The following LDHB variants were observed in gnomAD, a reference collection of about 807,000 sequenced individuals.
The protein encoded by LDHB is L-lactate dehydrogenase B chain.
LDHB carries 18 observed loss-of-function variants against 33.4 expected under a neutral mutation model. The observed-to-expected ratio is 0.54, with a 90% CI of 0.37 to 0.80. The LOEUF is 0.80. LDHB is among the 30% of genes least tolerant of loss of function. The pLI, the probability that LDHB is intolerant of heterozygous loss-of-function variation, is 0.00. For missense variants in LDHB, 345 were observed against 407.9 expected (o/e 0.85, Z 1.33); for synonymous variants, 121 against 140.6 (o/e 0.86, Z 0.98).
intron 2 of LDHB, among the ~76,000 whole-genome samples, chr12:21,651,834 A>C (rs1938698811): frequency 6.6e-6 from 1 of 152,238 alleles, no homozygotes; most frequent in Non-Finnish European, 1.5e-5. Flanking sequence ...ATCTTTCAAC[A>C]AGTCAGTCAT....
Position 21,635,488 on chromosome 12 carries a change from G to A in LDHB, c.*54C>T, listed in dbSNP as rs765895457. The stretch of plus-strand genomic sequence containing the variant: ...CCATGTACATGGATGAAAACTAAAG[G>A]CTCGAGTTAATCACATTGTAGTTTT... On this transcript the variant is annotated 3_prime_UTR_variant, in exon 8 of 8. Coordinates refer to ENST00000350669, the MANE Select transcript of LDHB (RefSeq NM_002300.8). 72 of 1,408,828 alleles carry A rather than the reference G, an allele frequency of 5.1e-5. No individual in the cohort carries two copies. The highest frequency in any genetic ancestry group is 6.2e-5 in the Non-Finnish European group (62 of 994,894). The allele number at this position is 1,408,828 out of a possible 1,614,324, so 87.3% of individuals were successfully genotyped here. A position where few individuals can be genotyped will look rare whatever the true frequency, so the allele number is the denominator to read the frequency against.
At chr12:21,648,931 C>T (rs1938603477) in intron 2 of LDHB, among the ~76,000 whole-genome samples, 1 of 152,172 alleles carries the variant, frequency 6.6e-6, no homozygotes, top group Non-Finnish European at 1.5e-5. Flanking sequence ...CAAAACATTT[C>T]CTCATTTCCA....
Position 21,646,951 on chromosome 12 carries a change from A to T in LDHB, c.195T>A (p.Asp65Glu). The change falls in exon 3 of 8, where the codon GAT (aspartate) becomes GAA (glutamate). Residue 65 changes from aspartate to glutamate, a missense_variant. Coordinates refer to ENST00000350669, the MANE Select transcript of LDHB (RefSeq NM_002300.8). ...GAAGAAATAAGCTCCCATGCTGCAG[A>T]TCCATCATTTCTCCTTTAAGCTTAT... ...LEDKLKGEMM[D>E]LQHGSLFLQT... 1 of 1,613,766 alleles carries T rather than the reference A, an allele frequency of 6.2e-7. No individual in the cohort carries two copies. The highest frequency in any genetic ancestry group is 2.2e-5 in the East Asian group (1 of 44,864).
rs111344655 is a variant in LDHB at position 21,649,828 on chromosome 12, ATG to A, written c.130-2814_130-2813del. On this transcript the variant is annotated intron_variant, in intron 2 of 7. Coordinates refer to ENST00000350669, the MANE Select transcript of LDHB (RefSeq NM_002300.8). ...AAGTGTTGGCCAGGGGTGGTGGCTC[ATG>A]CGTGTAATCCCAGCATTTTGGGGGG... 9.3e-5 allele frequency among the ~76,000 whole-genome samples: 14 copies of A among 151,048 alleles called. No individual in the cohort carries two copies. The South Asian group carries it at 1.7e-3, about 18-fold the overall frequency.
Position 21,654,492 on chromosome 12 carries a change from T to C in LDHB, c.129+51A>G, listed in dbSNP as rs554329365. On this transcript the variant is annotated intron_variant, in intron 2 of 7. Transcript: ENST00000350669. ...AAAATTCCAAGGTGCCCAAAGAAAC[T>C]GTGTATACATGCTGAACTTCTCTAT... The C allele has an allele frequency of 5.7e-6, 9 of 1,570,538 alleles. No homozygotes were observed. The African/African-American group carries it at 8.1e-5, about 14-fold the overall frequency.
In LDHB at chr12:21,650,883, T is replaced by C. The variant is rs978504368; in HGVS notation, c.129+3660A>G. Among the ~76,000 whole-genome samples the C allele has an allele frequency of 4.6e-5, 7 of 152,208 alleles. No individual in the cohort carries two copies. The East Asian group carries it at 1.3e-3, about 29-fold the overall frequency. ...TTAAACAAACAACAAATCAGGCTAA[T>C]CTCTGAAGGTAGAAGTGCTCTGAAG... On this transcript the variant is annotated intron_variant, in intron 2 of 7. Transcript: ENST00000350669.
chr12:21,640,588 A>C (rs1323166434), intron 5 of LDHB, among the ~76,000 whole-genome samples: 1 of 152,020 alleles, frequency 6.6e-6, no homozygotes, highest in African/African-American at 2.4e-5. Context: ...TTGTTACCTA[A>C]CTCATTCCTC....
Position 21,650,105 on chromosome 12 carries a change from TAC to T in LDHB, c.130-3091_130-3090del, listed in dbSNP as rs765877721. ...ACTCTCTCTCTCAAGAGAAAAAAAA[TAC>T]ACACACACACACACACACACACACA... On this transcript the variant is annotated intron_variant, in intron 2 of 7. Coordinates refer to ENST00000350669, the MANE Select transcript of LDHB (RefSeq NM_002300.8). 6.0e-3 allele frequency among the ~76,000 whole-genome samples: 185 copies of T among 30,994 alleles called. 1 individual carries two copies. The highest frequency in any genetic ancestry group is 0.014 in the African/African-American group (179 of 12,878). The allele number at this position is 30,994 out of a possible 152,430, so 20.3% of individuals were successfully genotyped here.
At chr12:21,636,968 A>G (rs1418839196) in intron 7 of LDHB, 103 bp downstream of exon 7, 1 of 1,013,162 alleles carries the variant, frequency 9.9e-7, no homozygotes, top group Non-Finnish European at 1.5e-6. Flanking sequence ...AGACAGAAAT[A>G]ACCTTGAACT....
chr12:21,651,745 C>G (rs1180036389), intron 2 of LDHB, among the ~76,000 whole-genome samples: 1 of 152,180 alleles, frequency 6.6e-6, no homozygotes, highest in Non-Finnish European at 1.5e-5. Flanking sequence ...CTAATCTTTA[C>G]CATGTATTAA....
intron 1 of LDHB, among the ~76,000 whole-genome samples, chr12:21,655,868 C>T (rs1229219730): frequency 2.0e-5 from 3 of 152,190 alleles, no homozygotes; most frequent in African/African-American, 4.8e-5. Context: ...AAATAAACAT[C>T]AATTCCATGG....
At chr12:21,652,389 G>C (rs2136981196) in intron 2 of LDHB, among the ~76,000 whole-genome samples, 1 of 152,240 alleles carries the variant, frequency 6.6e-6, no homozygotes, top group Non-Finnish European at 1.5e-5. Context: ...TCATCCAACA[G>C]CAAGTATATG....
At chr12:21,654,303 A>G (rs1938776176) in intron 2 of LDHB, 1 of 523,422 alleles carries the variant, frequency 1.9e-6, no homozygotes, top group African/African-American at 1.9e-5. Context: ...GGATGATAGT[A>G]TTGCATCAGT....
intron 5 of LDHB, 88 bp downstream of exon 5, chr12:21,641,864 T>G (rs1804040487): frequency 2.6e-6 from 3 of 1,162,262 alleles, no homozygotes. Flanking sequence ...TACATCAAAG[T>G]CTATAAAAAT....
chr12:21,648,168 A>T (rs952816096), intron 2 of LDHB, among the ~76,000 whole-genome samples: 2 of 152,224 alleles, frequency 1.3e-5, no homozygotes, highest in African/African-American at 4.8e-5. Context: ...ACATCACCAG[A>T]GTCCTTGCTC....
rs1367296507 is a variant in LDHB, at chr12:21,635,615, T to C, written c.932A>G (p.Asp311Gly). 1 of 1,613,352 alleles carries C rather than the reference T, an allele frequency of 6.2e-7. No homozygotes were observed. The highest frequency in any genetic ancestry group is 8.5e-7 in the Non-Finnish European group (1 of 1,179,822). Residue 311 changes from aspartate to glycine, a missense_variant, in exon 8 of 8, where the codon GAT (aspartate) becomes GGT (glycine). Transcript: ENST00000350669. Reference sequence around the variant, plus strand: ...TTTCTTGAGCTGAGCAACCTCATCATCCTTTAGCTTCTGGTTGATAACGCT... The same window carrying C: ...TTTCTTGAGCTGAGCAACCTCATCACCCTTTAGCTTCTGGTTGATAACGCT... ...LTSVINQKLKDDEVAQLKKSA... is the reference protein window; with the variant it reads ...LTSVINQKLKGDEVAQLKKSA...
intron 6 of LDHB, 75 bp from the exon 7 acceptor site, chr12:21,637,269 G>T: frequency 9.0e-7 from 1 of 1,113,002 alleles, no homozygotes; most frequent in Non-Finnish European, 1.4e-6. Flanking sequence ...TTTGACTACT[G>T]CTCTGTCTCT....
chr12:21,643,906 G>C (rs1440382913), intron 4 of LDHB, 29 bp downstream of exon 4: 1 of 1,526,724 alleles, frequency 6.5e-7, no homozygotes, highest in East Asian at 2.3e-5. Flanking sequence ...GAACTTAACA[G>C]AACAGAGACT....
intron 3 of LDHB, 68 bp downstream of exon 3, chr12:21,646,831 T>C: frequency 1.2e-6 from 1 of 869,304 alleles, no homozygotes; most frequent in Middle Eastern, 2.2e-4. Flanking sequence ...TGCTGTAAGA[T>C]GCATTCCAAA....
Sources: allele counts gnomAD v4.1 joint callset (sites outside exome capture counted in the v4.1 genomes callset), GRCh38; gene constraint gnomAD v4.1.1; transcripts MANE v1.5; gene names NCBI Gene and HGNC (gene_info 2026-07-23, HGNC 2026-07-21).